The following KLF12 variants were observed in gnomAD, a reference collection of about 807,000 sequenced individuals.
The protein encoded by KLF12 is KLF transcription factor 12, also known as Krueppel-like factor 12.
KLF12 carries 9 observed loss-of-function variants against 37.8 expected under a neutral mutation model. That is an observed-to-expected ratio of 0.24 (90% CI 0.14 to 0.42). The LOEUF (loss-of-function observed/expected upper bound fraction) is 0.42. KLF12 is among the 10% of genes least tolerant of loss of function. The pLI is 1.00. For missense variants in KLF12, 411 were observed against 516.0 expected, an observed-to-expected ratio of 0.80 and a Z score of 1.97; for synonymous variants, 208 against 202.1, an observed-to-expected ratio of 1.03 and a Z score of -0.25.
At chr13:73,956,675 C>A (rs991866339) in intron 2 of KLF12, among the ~76,000 whole-genome samples, 3 of 152,046 alleles carry the variant, frequency 2.0e-5, no homozygotes, top group Non-Finnish European at 4.4e-5. Context: ...AATCCCAGCA[C>A]CTTGGGAGGC....
chr13:73,931,702 T>A (rs550482224), intron 3 of KLF12, among the ~76,000 whole-genome samples: 3 of 152,344 alleles, frequency 2.0e-5, no homozygotes, highest in Non-Finnish European at 2.9e-5. Flanking sequence ...GTATGTAAGT[T>A]TTCATGAGTA....
At chr13:73,908,471 ATTTTCTTT>A (rs1888416845) in intron 3 of KLF12, among the ~76,000 whole-genome samples, 1 of 148,528 alleles carries the variant, frequency 6.7e-6, no homozygotes, top group African/African-American at 2.5e-5. Flanking sequence ...AAAGGTTTTC[ATTTTCTTT>A]TTTTCTTTTG....
rs562285998 is a variant in KLF12 at position 73,837,104 on chromosome 13, C to G, written c.670+8723G>C. Reference sequence around the variant, plus strand: ...ACATCTACCTTTTAAAATGATCCGTCCTGGGTATCCATACCTTCTCCTCTT... The same window carrying G: ...ACATCTACCTTTTAAAATGATCCGTGCTGGGTATCCATACCTTCTCCTCTT... On this transcript the variant is annotated intron_variant, in intron 4 of 7. Transcript: ENST00000377669. Among the ~76,000 whole-genome samples, 3 of 152,228 alleles carry G rather than the reference C, an allele frequency of 2.0e-5. 1 individual carries two copies. The South Asian group carries it at 6.2e-4, about 32-fold the overall frequency.
chr13:73,965,946 G>C (rs1216520107), intron 2 of KLF12, among the ~76,000 whole-genome samples: 1 of 152,158 alleles, frequency 6.6e-6, no homozygotes, highest in Non-Finnish European at 1.5e-5. Context: ...GTAAACTGCA[G>C]GGCAATTTGG....
At chr13:73,798,816 G>A (rs1482274862) in intron 5 of KLF12, among the ~76,000 whole-genome samples, 5 of 152,162 alleles carry the variant, frequency 3.3e-5, no homozygotes, top group African/African-American at 2.4e-5. Context: ...GTTGGTAGGA[G>A]TGTAAAATGG....
chr13:73,876,701 T>A (rs1049173335), intron 3 of KLF12, among the ~76,000 whole-genome samples: 1 of 152,112 alleles, frequency 6.6e-6, no homozygotes, highest in African/African-American at 2.4e-5. Context: ...CAATTCTGAT[T>A]TCTAAAAAAT....
At chr13:74,090,250 C>T (rs1026788263) in intron 1 of KLF12, among the ~76,000 whole-genome samples, 1 of 151,882 alleles carries the variant, frequency 6.6e-6, no homozygotes, top group Non-Finnish European at 1.5e-5. Context: ...AAAACCTATA[C>T]TCTGGAAACT....
intron 4 of KLF12, among the ~76,000 whole-genome samples, chr13:73,840,491 A>G (rs1214691840): frequency 3.3e-5 from 5 of 152,106 alleles, no homozygotes; most frequent in Admixed American, 2.6e-4. Context: ...CACGTCCCAA[A>G]GGGAATTCCT....
At chr13:73,929,118 T>C (rs888028988) in intron 3 of KLF12, among the ~76,000 whole-genome samples, 2 of 152,128 alleles carry the variant, frequency 1.3e-5, no homozygotes, top group African/African-American at 4.8e-5. Flanking sequence ...CTCAATTAAG[T>C]GCTAAATTGG....
chr13:74,165,652 C>T, the KLF12 span, among the ~76,000 whole-genome samples: 1 of 152,128 alleles, frequency 6.6e-6, no homozygotes, highest in Non-Finnish European at 1.5e-5. Context: ...TGCCACATCA[C>T]CAGGTTTAAA....
At chr13:73,752,158 T>C (rs1212799411) in intron 6 of KLF12, among the ~76,000 whole-genome samples, 5 of 152,194 alleles carry the variant, frequency 3.3e-5, no homozygotes, top group African/African-American at 9.6e-5. Flanking sequence ...AATTTTTGTA[T>C]TTTTTGTAGA....
At position 73,752,648 on chromosome 13, in the gene KLF12, T is replaced by C. The variant is rs992481756; in HGVS notation, c.869+12290A>G. ...CACTTCTCTCCTTCTGTGGATACCA[T>C]TCTAGTCGTGGCTAGCATGTCTTTC... On this transcript the variant is annotated intron_variant, in intron 6 of 7. Coordinates refer to ENST00000377669, the MANE Select transcript of KLF12 (RefSeq NM_007249.5). Among the ~76,000 whole-genome samples the C allele has an allele frequency of 2.6e-5, 4 of 152,080 alleles. 1 individual carries two copies. The South Asian group carries it at 6.2e-4, about 24-fold the overall frequency.
At chr13:73,754,315 A>G (rs1276853413) in intron 6 of KLF12, among the ~76,000 whole-genome samples, 1 of 152,176 alleles carries the variant, frequency 6.6e-6, no homozygotes, top group Non-Finnish European at 1.5e-5. Flanking sequence ...GCTCAATTGC[A>G]TATTGTTCTG....
At chr13:73,954,168 C>T (rs1037783159) in intron 2 of KLF12, among the ~76,000 whole-genome samples, 3 of 151,308 alleles carry the variant, frequency 2.0e-5, no homozygotes, top group Non-Finnish European at 3.0e-5. Flanking sequence ...TTAGTAGAGG[C>T]GGGGTTTCAC....
chr13:73,765,342 G>C (rs1029677136), intron 5 of KLF12, among the ~76,000 whole-genome samples: 3 of 152,122 alleles, frequency 2.0e-5, no homozygotes, highest in Admixed American at 2.0e-4. Flanking sequence ...AAGGTATGGT[G>C]CCTGAGTTCA....
chr13:74,286,432 T>C, the KLF12 span, among the ~76,000 whole-genome samples: 1 of 152,070 alleles, frequency 6.6e-6, no homozygotes, highest in South Asian at 2.1e-4. Context: ...GAAGACAAGA[T>C]GAAAAGGGAA....
intron 5 of KLF12, among the ~76,000 whole-genome samples, chr13:73,791,047 C>T (rs1337125221): frequency 6.6e-6 from 1 of 152,188 alleles, no homozygotes; most frequent in Admixed American, 6.5e-5. Context: ...ATTTCGAATT[C>T]ACCAGAAATA....
intron 2 of KLF12, among the ~76,000 whole-genome samples, chr13:73,973,948 C>G (rs1891424243): frequency 6.6e-6 from 1 of 151,934 alleles, no homozygotes; most frequent in East Asian, 1.9e-4. Flanking sequence ...AATTTATCAA[C>G]TCAGTACTCG....
chr13:73,870,433 T>C (rs1308291209), intron 3 of KLF12, among the ~76,000 whole-genome samples: 1 of 152,252 alleles, frequency 6.6e-6, no homozygotes, highest in African/African-American at 2.4e-5. Flanking sequence ...TTTCTATGGT[T>C]AGCACTTTTC....
Sources: gnomAD v4.1 joint callset for allele counts (sites outside exome capture counted in the v4.1 genomes callset) on GRCh38, gnomAD v4.1.1 for gene constraint, MANE v1.5 for transcripts, NCBI Gene and HGNC (gene_info 2026-07-23, HGNC 2026-07-21) for gene names.